Variants in DIAPH2 observed in about 807,000 individuals in gnomAD.
The protein encoded by DIAPH2 is protein diaphanous homolog 2.
DIAPH2 carries 35 observed loss-of-function variants against 92.7 expected under a neutral mutation model. The observed-to-expected ratio is 0.38, with a 90% CI of 0.29 to 0.50. DIAPH2 has a LOEUF of 0.50. DIAPH2 is among the 20% of genes least tolerant of loss of function. The pLI is 0.94. For missense variants in DIAPH2, 701 were observed against 819.5 expected (o/e 0.86, Z 1.77); for synonymous variants, 301 against 280.4 (o/e 1.07, Z -0.73).
chrX:96,958,260 G>A, intron 16 of DIAPH2, 112 bp downstream of exon 16: 1 of 841,446 alleles, frequency 1.2e-6, no homozygotes, highest in Non-Finnish European at 1.6e-6. Flanking sequence ...CCGTTCCTTT[G>A]TGGGTTCATC....
At chrX:97,153,126 G>A (rs973092093) in intron 22 of DIAPH2, among the ~76,000 whole-genome samples, 1 of 111,199 alleles carries the variant, frequency 9.0e-6, no homozygotes, top group Non-Finnish European at 1.9e-5. Flanking sequence ...TAATATCTAG[G>A]CTACTTATCC....
chrX:97,297,324 A>G (rs1168645925), intron 23 of DIAPH2, among the ~76,000 whole-genome samples: 1 of 109,752 alleles, frequency 9.1e-6, no homozygotes, highest in Non-Finnish European at 1.9e-5. Flanking sequence ...TCTTGATCGC[A>G]GAGTTGCTTC....
chrX:97,523,495 C>T (rs1364542761), intron 26 of DIAPH2, among the ~76,000 whole-genome samples: 1 of 111,684 alleles, frequency 9.0e-6, no homozygotes, highest in Non-Finnish European at 1.9e-5. Flanking sequence ...CCAAAGGATG[C>T]CAGTACTGTT....
intron 11 of DIAPH2, among the ~76,000 whole-genome samples, chrX:96,938,695 A>G (rs1445898859): frequency 8.9e-6 from 1 of 112,155 alleles, no homozygotes; most frequent in Non-Finnish European, 1.9e-5. Flanking sequence ...AAGCATCTAA[A>G]TTTCTGCAAC....
intron 4 of DIAPH2, among the ~76,000 whole-genome samples, chrX:96,783,298 A>G (rs1044130943): frequency 6.2e-5 from 7 of 112,412 alleles, no homozygotes; most frequent in South Asian, 7.4e-4. Context: ...TTTAACGACA[A>G]GAGAAAAAGG....
intron 4 of DIAPH2, among the ~76,000 whole-genome samples, chrX:96,840,267 C>A (rs981985603): frequency 2.7e-5 from 3 of 111,645 alleles, no homozygotes; most frequent in Non-Finnish European, 5.6e-5. Context: ...TCCCTGTATC[C>A]CTGATGATAT....
intron 17 of DIAPH2, among the ~76,000 whole-genome samples, chrX:96,968,067 T>G (rs1026285766): frequency 2.7e-5 from 3 of 109,348 alleles, no homozygotes; most frequent in African/African-American, 9.9e-5. Flanking sequence ...CTGTTTGGGT[T>G]TTTTTTTTGG....
chrX:97,014,109 A>G (rs769819315), intron 17 of DIAPH2, among the ~76,000 whole-genome samples: 8 of 112,042 alleles, frequency 7.1e-5, no homozygotes, highest in Non-Finnish European at 1.1e-4. Context: ...CAACAGAAAT[A>G]TAAATATGGA....
chrX:97,364,765 T>G (rs918397268), intron 24 of DIAPH2, among the ~76,000 whole-genome samples: 1 of 105,132 alleles, frequency 9.5e-6, no homozygotes, highest in Non-Finnish European at 1.9e-5. Flanking sequence ...TGGTGTTTTT[T>G]TTTTTTTTTT....
At chrX:97,254,778 C>A (rs1224783009) in intron 23 of DIAPH2, among the ~76,000 whole-genome samples, 9 of 108,832 alleles carry the variant, frequency 8.3e-5, no homozygotes, top group Non-Finnish European at 1.7e-4. Flanking sequence ...GGCTGGAGTG[C>A]AGTGGTACAG....
At chrX:96,998,221 A>G (rs1361012273) in intron 17 of DIAPH2, among the ~76,000 whole-genome samples, 1 of 111,173 alleles carries the variant, frequency 9.0e-6, no homozygotes, top group Non-Finnish European at 1.9e-5. Context: ...AGTAATTAAT[A>G]TTTACCTTTA....
At chrX:97,005,009 T>C (rs889059782) in intron 17 of DIAPH2, among the ~76,000 whole-genome samples, 2 of 111,811 alleles carry the variant, frequency 1.8e-5, no homozygotes, top group African/African-American at 3.3e-5. Context: ...GTTTTTATCA[T>C]GAAGGGATGT....
intron 26 of DIAPH2, among the ~76,000 whole-genome samples, chrX:97,493,527 C>G (rs1362293814): frequency 9.0e-6 from 1 of 111,351 alleles, no homozygotes; most frequent in Non-Finnish European, 1.9e-5. Context: ...TCCCAAACTG[C>G]TGGGATTACA....
At chrX:97,161,463 C>T (rs1000781718) in intron 22 of DIAPH2, among the ~76,000 whole-genome samples, 1 of 109,694 alleles carries the variant, frequency 9.1e-6, no homozygotes, top group African/African-American at 3.3e-5. Flanking sequence ...TGCAATGGCA[C>T]GATATTGGCT....
At chrX:97,573,675 T>C (rs1030467328) in intron 26 of DIAPH2, among the ~76,000 whole-genome samples, 7 of 108,864 alleles carry the variant, frequency 6.4e-5, no homozygotes, top group Non-Finnish European at 5.7e-5. Context: ...TTTGTTTTTT[T>C]TTGAGGTGGA....
chrX:97,329,931 CACACA>C (rs1569364106), intron 23 of DIAPH2, among the ~76,000 whole-genome samples: 35 of 86,638 alleles, frequency 4.0e-4, no homozygotes, highest in African/African-American at 1.3e-3. Context: ...CACACACACA[CACACA>C]CCCCACATGC....
intron 24 of DIAPH2, among the ~76,000 whole-genome samples, chrX:97,369,244 C>T (rs937359793): frequency 9.0e-6 from 1 of 111,278 alleles, no homozygotes; most frequent in East Asian, 2.8e-4. Flanking sequence ...ACTAAGCCAA[C>T]ACCGAAGCAA....
At chrX:97,180,955 T>C (rs1234388510) in intron 22 of DIAPH2, among the ~76,000 whole-genome samples, 1 of 112,105 alleles carries the variant, frequency 8.9e-6, no homozygotes, top group African/African-American at 3.2e-5. Context: ...TCCAGCTTTG[T>C]TCTTTTTGCT....
intron 26 of DIAPH2, among the ~76,000 whole-genome samples, chrX:97,591,383 G>A (rs757390855): frequency 8.9e-6 from 1 of 112,252 alleles, no homozygotes; most frequent in Non-Finnish European, 1.9e-5. Context: ...GTGCAAGGGT[G>A]CCTGTTAAGG....
Sources: gnomAD v4.1 joint callset for allele counts (sites outside exome capture counted in the v4.1 genomes callset) on GRCh38, gnomAD v4.1.1 for gene constraint, MANE v1.5 for transcripts, NCBI Gene and HGNC (gene_info 2026-07-23, HGNC 2026-07-21) for gene names.